The following LONRF1 variants were observed in gnomAD, a reference collection of about 807,000 sequenced individuals.
LONRF1 encodes LON peptidase N-terminal domain and RING finger protein 1.
Under a neutral mutation model 85.8 loss-of-function variants are expected in LONRF1, and 37 were observed. That is an observed-to-expected ratio of 0.43 (90% CI 0.33 to 0.57). The LOEUF is 0.57. LONRF1 is among the 20% of genes least tolerant of loss of function. The pLI, the probability that LONRF1 is intolerant of heterozygous loss-of-function variation, is 0.04. For synonymous variants in LONRF1, 517 were observed against 390.1 expected, an observed-to-expected ratio of 1.33 and a Z score of -3.83; for missense variants, 1,036 against 978.0, an observed-to-expected ratio of 1.06 and a Z score of -0.79.
chr8:12,751,294 A>ATGTTTTTTTTTTTTTTGTTTT (rs1554469326), intron 1 of LONRF1, among the ~76,000 whole-genome samples: 14 of 84,822 alleles, frequency 1.7e-4, no homozygotes, highest in East Asian at 7.8e-4. Flanking sequence ...TTTTATTTTT[A>ATGTTTTTTTTTTTTTTGTTTT]TGTTTTTTTT....
chr8:12,730,528 C>G (rs1798488745), intron 8 of LONRF1, among the ~76,000 whole-genome samples: 1 of 150,922 alleles, frequency 6.6e-6, no homozygotes, highest in Admixed American at 6.6e-5. Context: ...TGTCGCTTCT[C>G]TTCTCTCCAA....
chr8:12,739,635 T>TTAGA (rs1372200287), intron 3 of LONRF1, among the ~76,000 whole-genome samples: 2 of 152,176 alleles, frequency 1.3e-5, no homozygotes, highest in African/African-American at 4.8e-5. Context: ...ATACCACAAC[T>TTAGA]TAGAAAAAGT....
chr8:12,743,073 C>A, intron 2 of LONRF1, 91 bp downstream of exon 2: 1 of 818,712 alleles, frequency 1.2e-6, no homozygotes, highest in Non-Finnish European at 2.1e-6. Flanking sequence ...AGTCAACCAT[C>A]TACTTTGTTA....
intron 6 of LONRF1, 99 bp from the exon 7 acceptor site, chr8:12,735,499 GGAA>G: frequency 2.7e-6 from 2 of 745,916 alleles, no homozygotes; most frequent in Non-Finnish European, 4.6e-6. Context: ...ATTTAAAGGA[GGAA>G]GAAGGAGGGC....
intron 7 of LONRF1, among the ~76,000 whole-genome samples, chr8:12,734,091 G>A (rs1413260780): frequency 6.6e-6 from 1 of 152,102 alleles, no homozygotes. Flanking sequence ...AAGCATCATA[G>A]TTATCCTGGG....
intron 1 of LONRF1, chr8:12,754,247 G>GTA (rs1799534204): frequency 2.6e-5 from 4 of 154,700 alleles, no homozygotes; most frequent in Admixed American, 1.3e-4. Context: ...TGCCCTCGCG[G>GTA]GGGATTCTCT....
At chr8:12,726,010 A>G (rs997381378) in intron 10 of LONRF1, 131 bp from the exon 11 acceptor site, 2 of 755,524 alleles carry the variant, frequency 2.6e-6, no homozygotes, top group Non-Finnish European at 4.2e-6. Flanking sequence ...CGTCCCAGAG[A>G]GTATTATTCC....
At position 12,736,775 on chromosome 8, in the gene LONRF1, C is replaced by T. The variant is rs1798731422; in HGVS notation, c.1377G>A (p.Met459Ile). Reference protein sequence around the residue: ...KQGETPNEVCMFSLAYGDIPE... With the variant: ...KQGETPNEVCIFSLAYGDIPE... ...GAATATCACCATAAGCTAAGGAAAACATACAGACTTCATTGGGAGTTTCTA... is the reference window on the plus strand; with the variant it reads ...GAATATCACCATAAGCTAAGGAAAATATACAGACTTCATTGGGAGTTTCTA... Residue 459 changes from methionine to isoleucine, a missense_variant, in exon 6 of 12, where the codon ATG becomes ATA. Around this residue, in one of 3 missense-constraint regions of LONRF1, gnomAD observed 742 missense variants for 614.4 expected, o/e 1.21. Transcript: ENST00000398246. 2 of 1,608,990 alleles carry T rather than the reference C, an allele frequency of 1.2e-6. No homozygotes were observed. The highest frequency in any genetic ancestry group is 2.2e-5 in the East Asian group (1 of 44,734).
chr8:12,740,757 C>G (rs906483804), intron 3 of LONRF1, 117 bp downstream of exon 3: 1 of 1,272,516 alleles, frequency 7.9e-7, no homozygotes, highest in Non-Finnish European at 1.1e-6. Flanking sequence ...CACATTTGTT[C>G]CTAAGTTAGA....
intron 1 of LONRF1, among the ~76,000 whole-genome samples, chr8:12,745,760 C>T (rs944768534): frequency 7.2e-5 from 11 of 152,102 alleles, no homozygotes; most frequent in African/African-American, 2.4e-4. Flanking sequence ...ACAACATTGA[C>T]AAAATCCAAA....
chr8:12,734,011 C>T (rs1281386821), intron 7 of LONRF1, among the ~76,000 whole-genome samples: 1 of 152,076 alleles, frequency 6.6e-6, no homozygotes, highest in Non-Finnish European at 1.5e-5. Context: ...CTAATCAAAG[C>T]AATAGATCTA....
chr8:12,753,891 A>T (rs1799514002), intron 1 of LONRF1: 1 of 150,936 alleles, frequency 6.6e-6, no homozygotes, highest in South Asian at 2.1e-4. Context: ...ACTATGGATC[A>T]GGCAGCCCCT....
In LONRF1 at chr8:12,736,564, A is replaced by C; in HGVS notation, c.1451+137T>G. 4 of 619,466 alleles carry C rather than the reference A, an allele frequency of 6.5e-6. No individual in the cohort carries two copies. In the South Asian group the frequency reaches 1.0e-4, roughly 16 times the overall value. 38.4% of individuals were successfully genotyped at this position (619,466 alleles called of 1,614,324 possible). A position where few individuals can be genotyped will look rare whatever the true frequency, so the allele number is the denominator to read the frequency against. Reference sequence around the variant, plus strand: ...TGCCCAAGGCATGAAAGGTAAACCCAGGACTAAAATTCATGTCTTTTGATT... The same window carrying C: ...TGCCCAAGGCATGAAAGGTAAACCCCGGACTAAAATTCATGTCTTTTGATT... On this transcript the variant is annotated intron_variant, in intron 6 of 11. Transcript: ENST00000398246.
intron 1 of LONRF1, among the ~76,000 whole-genome samples, chr8:12,747,851 A>T (rs1345493967): frequency 6.6e-6 from 1 of 152,076 alleles, no homozygotes; most frequent in Non-Finnish European, 1.5e-5. Context: ...CCTCCATTCT[A>T]ATTCTGTCTG....
At chr8:12,752,489 A>C (rs1799447887) in intron 1 of LONRF1, among the ~76,000 whole-genome samples, 1 of 152,274 alleles carries the variant, frequency 6.6e-6, no homozygotes, top group Non-Finnish European at 1.5e-5. Context: ...GATTCTTGAA[A>C]GAACTAAAAA....
intron 7 of LONRF1, among the ~76,000 whole-genome samples, chr8:12,734,105 G>T (rs1255398842): frequency 1.3e-5 from 2 of 152,086 alleles, no homozygotes; most frequent in African/African-American, 4.8e-5. Context: ...TCCTGGGGGG[G>T]TATTTAAATG....
intron 6 of LONRF1, 34 bp downstream of exon 6, chr8:12,736,667 A>T (rs1335067395): frequency 7.1e-7 from 1 of 1,400,164 alleles, no homozygotes; most frequent in African/African-American, 1.4e-5. Flanking sequence ...ACTAACATAA[A>T]ATATTCATCT....
chr8:12,751,153 C>G (rs1353776040), intron 1 of LONRF1, among the ~76,000 whole-genome samples: 1 of 152,104 alleles, frequency 6.6e-6, no homozygotes, highest in Non-Finnish European at 1.5e-5. Context: ...AGCCACACTG[C>G]ATGTCTATCC....
At chr8:12,732,712 T>C (rs879399382) in intron 7 of LONRF1, among the ~76,000 whole-genome samples, 5 of 152,176 alleles carry the variant, frequency 3.3e-5, no homozygotes, top group Non-Finnish European at 7.4e-5. Context: ...TTTTACCACA[T>C]AGTAGGCATT....
Sources: gnomAD v4.1 joint callset for allele counts (sites outside exome capture counted in the v4.1 genomes callset) on GRCh38, gnomAD v4.1.1 for gene constraint, gnomAD v4.1.1 regional missense constraint, MANE v1.5 for transcripts, NCBI Gene and HGNC (gene_info 2026-07-23, HGNC 2026-07-21) for gene names.